The following ESRRG variants were observed in gnomAD, a reference collection of about 807,000 sequenced individuals.
The protein encoded by ESRRG is estrogen-related receptor gamma.
ESRRG carries 13 observed loss-of-function variants against 44.0 expected under a neutral mutation model. That is an observed-to-expected ratio of 0.30 (90% CI 0.19 to 0.47). The LOEUF is 0.47. ESRRG is among the 20% of genes least tolerant of loss of function. The pLI is 1.00. For missense variants in ESRRG, 395 were observed against 580.6 expected (o/e 0.68, Z 3.29); for synonymous variants, 215 against 214.6 (o/e 1.00, Z -0.02).
chr1:216,522,008 G>C (rs1374736052), intron 5 of ESRRG, among the ~76,000 whole-genome samples: 1 of 152,052 alleles, frequency 6.6e-6, no homozygotes, highest in Non-Finnish European at 1.5e-5. Flanking sequence ...TTGTCCCTGT[G>C]ATTTACAAAT....
chr1:216,628,934 C>G (rs2063638986), intron 3 of ESRRG, among the ~76,000 whole-genome samples: 1 of 152,188 alleles, frequency 6.6e-6, no homozygotes, highest in African/African-American at 2.4e-5. Flanking sequence ...GAGCAAAACT[C>G]TCTCTCAGCC....
At chr1:216,888,325 T>C (rs2057321296) in intron 2 of ESRRG, among the ~76,000 whole-genome samples, 1 of 152,178 alleles carries the variant, frequency 6.6e-6, no homozygotes, top group African/African-American at 2.4e-5. Context: ...TACCTTCAAA[T>C]TGTAGTAATC....
intron 1 of ESRRG, among the ~76,000 whole-genome samples, chr1:216,715,701 A>G (rs1406973082): frequency 6.6e-6 from 1 of 152,086 alleles, no homozygotes; most frequent in Non-Finnish European, 1.5e-5. Flanking sequence ...ATATGCATTT[A>G]CTATTATTTT....
chr1:216,676,474 T>G (rs532695893), intron 2 of ESRRG, among the ~76,000 whole-genome samples: 30 of 152,124 alleles, frequency 2.0e-4, no homozygotes, highest in Non-Finnish European at 2.9e-4. Flanking sequence ...GAAAGATGAG[T>G]AGGTAATTAA....
intron 5 of ESRRG, among the ~76,000 whole-genome samples, chr1:216,541,077 G>A (rs1316165629): frequency 6.6e-6 from 1 of 151,944 alleles, no homozygotes; most frequent in African/African-American, 2.4e-5. Flanking sequence ...TAATTAGGTG[G>A]AAAGCTTTTC....
At chr1:216,588,862 C>CT (rs767116107) in intron 3 of ESRRG, among the ~76,000 whole-genome samples, 3 of 152,154 alleles carry the variant, frequency 2.0e-5, no homozygotes, top group Non-Finnish European at 4.4e-5. Context: ...CTTTGGGAAT[C>CT]TATCGGGTAC....
At chr1:216,892,201 A>G (rs1560008417) in intron 2 of ESRRG, among the ~76,000 whole-genome samples, 1 of 152,202 alleles carries the variant, frequency 6.6e-6, no homozygotes, top group Non-Finnish European at 1.5e-5. Flanking sequence ...TGGAAAACTT[A>G]GTGTGCCCCT....
intron 2 of ESRRG, among the ~76,000 whole-genome samples, chr1:216,749,436 G>A (rs550515167): frequency 9.9e-5 from 15 of 152,272 alleles, no homozygotes; most frequent in Middle Eastern, 3.4e-3. Flanking sequence ...CAACAAGCGC[G>A]ATAGGGAATA....
intron 5 of ESRRG, among the ~76,000 whole-genome samples, chr1:216,534,086 A>G (rs1279958931): frequency 6.6e-6 from 1 of 152,102 alleles, no homozygotes; most frequent in Non-Finnish European, 1.5e-5. Context: ...TAAACTATAA[A>G]TCTACACACA....
chr1:217,113,847 G>C (rs377132685), intron 1 of ESRRG, among the ~76,000 whole-genome samples: 1 of 152,016 alleles, frequency 6.6e-6, no homozygotes, highest in Non-Finnish European at 1.5e-5. Flanking sequence ...AAAATAATTA[G>C]CTGGGTGTAG....
chr1:216,823,426 A>G (rs530235239), intron 2 of ESRRG, among the ~76,000 whole-genome samples: 75 of 152,304 alleles, frequency 4.9e-4, no homozygotes, highest in Middle Eastern at 3.4e-3. Context: ...GTGTTTAGGA[A>G]GAAAATATCT....
intron 2 of ESRRG, among the ~76,000 whole-genome samples, chr1:216,659,182 C>T (rs2071590440): frequency 6.6e-6 from 1 of 152,088 alleles, no homozygotes; most frequent in Non-Finnish European, 1.5e-5. Flanking sequence ...TTGTTATTTA[C>T]CTTGAATCCT....
intron 3 of ESRRG, among the ~76,000 whole-genome samples, chr1:216,604,468 C>G (rs2059661808): frequency 6.6e-6 from 1 of 152,126 alleles, no homozygotes; most frequent in Non-Finnish European, 1.5e-5. Context: ...CTGTCAGGAA[C>G]AAGTTAATAG....
chr1:216,679,941 C>G (rs1014988595), intron 1 of ESRRG, among the ~76,000 whole-genome samples: 1 of 152,062 alleles, frequency 6.6e-6, no homozygotes, highest in Admixed American at 6.5e-5. Context: ...GTTGTCTCAT[C>G]GAAAATCTCA....
chr1:216,532,415 T>C (rs1450999156), intron 5 of ESRRG, among the ~76,000 whole-genome samples: 1 of 152,126 alleles, frequency 6.6e-6, no homozygotes, highest in Non-Finnish European at 1.5e-5. Flanking sequence ...TGGAGGGATA[T>C]TAAATGCCGC....
chr1:216,704,126 G>A (rs1281326502), intron 1 of ESRRG, among the ~76,000 whole-genome samples: 2 of 152,104 alleles, frequency 1.3e-5, no homozygotes, highest in Non-Finnish European at 2.9e-5. Flanking sequence ...TTAAATGAAG[G>A]CTAGCACTTC....
At chr1:216,541,612 G>GAT in intron 5 of ESRRG, among the ~76,000 whole-genome samples, 1 of 132,642 alleles carries the variant, frequency 7.5e-6, no homozygotes, top group African/African-American at 2.6e-5. Flanking sequence ...GTGTGTATGT[G>GAT]ATCAGCTATT....
intron 1 of ESRRG, among the ~76,000 whole-genome samples, chr1:217,035,699 G>A (rs916081951): frequency 6.6e-6 from 1 of 150,898 alleles, no homozygotes; most frequent in Non-Finnish European, 1.5e-5. Context: ...AAAAAAATCA[G>A]GAGCTGGAGG....
At chr1:216,552,062 C>T (rs1223877852) in intron 5 of ESRRG, among the ~76,000 whole-genome samples, 1 of 152,058 alleles carries the variant, frequency 6.6e-6, no homozygotes, top group African/African-American at 2.4e-5. Flanking sequence ...ACAGAGTATA[C>T]CCAGGCTATA....
Sources: allele counts gnomAD v4.1 joint callset (sites outside exome capture counted in the v4.1 genomes callset), GRCh38; gene constraint gnomAD v4.1.1; transcripts MANE v1.5; gene names NCBI Gene and HGNC (gene_info 2026-07-23, HGNC 2026-07-21).